Variants in PCDHGA10 observed in about 807,000 individuals in gnomAD.
The protein encoded by PCDHGA10 is protocadherin gamma subfamily A, 10, also known as protocadherin gamma-A10.
A neutral mutation model predicts 59.5 loss-of-function variants in PCDHGA10; 42 were observed. The ratio of observed to expected loss-of-function variants is 0.71; its 90% CI spans 0.55 to 0.91. The LOEUF (loss-of-function observed/expected upper bound fraction) is 0.91. PCDHGA10 is among the 40% of genes least tolerant of loss of function. PCDHGA10 has a pLI of 0.00. For missense variants in PCDHGA10, 1,111 were observed against 1,198.2 expected (o/e 0.93, Z 1.07); for synonymous variants, 511 against 517.2 (o/e 0.99, Z 0.16).
chr5:141,432,940 T>C lies in PCDHGA10; in HGVS notation c.2436+17329T>C, dbSNP rs142546730. On this transcript the variant is annotated intron_variant, in intron 1 of 3. Transcript: ENST00000398610. This position sits in a 1 kb window ranked among gnomAD's most constrained non-coding sequence, Gnocchi z 6.0. ...GGCACAAGTCACGCCTGCTGCAGGC[T>C]TCAGGAGGCGGCTTGACAGGAGCGC... 6 of 1,614,208 alleles carry C rather than the reference T, an allele frequency of 3.7e-6. No individual in the cohort carries two copies. The highest frequency in any genetic ancestry group is 4.2e-6 in the Non-Finnish European group (5 of 1,180,040).
chr5:141,503,372 G>A (rs1275544964), intron 2 of PCDHGA10, among the ~76,000 whole-genome samples: 1 of 151,968 alleles, frequency 6.6e-6, no homozygotes, highest in Non-Finnish European at 1.5e-5. Context: ...GGAGGCAGGT[G>A]GATCATGAGG....
intron 1 of PCDHGA10, chr5:141,430,861 A>C: frequency 6.3e-7 from 1 of 1,592,834 alleles, no homozygotes; most frequent in Middle Eastern, 1.7e-4. Flanking sequence ...TACGCTATTC[A>C]GTTCCGGAAG....
intron 3 of PCDHGA10, among the ~76,000 whole-genome samples, chr5:141,509,622 T>C (rs2099877603): frequency 6.6e-6 from 1 of 152,186 alleles, no homozygotes; most frequent in Non-Finnish European, 1.5e-5. Flanking sequence ...AACAAGTTCC[T>C]GGGTGATGCT....
Position 141,476,364 on chromosome 5 carries a change from C to T in PCDHGA10, c.2437-18443C>T, listed in dbSNP as rs1462808655. The T allele has an allele frequency of 6.2e-7, 1 of 1,614,036 alleles. No homozygotes were observed. The highest frequency in any genetic ancestry group is 8.5e-7 in the Non-Finnish European group (1 of 1,180,026). Reference sequence around the variant, plus strand: ...AGATTCTTTGAGGTGAACCGGGAGACCGGAGAGATGTTTGTGAACGACCGT... The same window carrying T: ...AGATTCTTTGAGGTGAACCGGGAGATCGGAGAGATGTTTGTGAACGACCGT... On this transcript the variant is annotated intron_variant, in intron 1 of 3. Coordinates refer to ENST00000398610, the MANE Select transcript of PCDHGA10 (RefSeq NM_018913.3). This position sits in a 1 kb window ranked among gnomAD's most constrained non-coding sequence, Gnocchi z 7.6.
chr5:141,498,807 C>T (rs113587634), intron 2 of PCDHGA10, among the ~76,000 whole-genome samples: 5,552 of 152,138 alleles, frequency 0.036, 136 homozygotes, highest in South Asian at 0.073. Context: ...GTGGTGCACA[C>T]CTGTAGTCCC....
chr5:141,414,801 G>A lies in PCDHGA10; in HGVS notation c.1626G>A (p.Gly542=). The A allele has an allele frequency of 1.2e-6, 2 of 1,614,218 alleles. No homozygotes were observed. Among genetic ancestry groups the A allele is most frequent in the Non-Finnish European group, 1.7e-6 (2 of 1,180,044 alleles). The change falls in exon 1 of 4, where the codon GGG becomes GGA. Residue 542 remains glycine (G), a synonymous_variant. Coordinates refer to ENST00000398610, the MANE Select transcript of PCDHGA10 (RefSeq NM_018913.3). ...LQMQVTASDS[G]DPPLSSNVSL... is the part of the protein sequence containing the mutation. ...TGCAGGTGACAGCCAGCGACAGCGG[G>A]GATCCTCCACTCAGCAGCAACGTGT...
intron 1 of PCDHGA10, chr5:141,441,038 G>A (rs1263659082): frequency 6.6e-6 from 1 of 152,156 alleles, no homozygotes; most frequent in African/African-American, 2.4e-5. Context: ...AAAACTTTAA[G>A]TACATTGGAC....
At position 141,432,627 on chromosome 5, in the gene PCDHGA10, C is replaced by A. The variant is rs886117102; in HGVS notation, c.2436+17016C>A. 1 of 1,613,652 alleles carries A rather than the reference C, an allele frequency of 6.2e-7. No homozygotes were observed. The highest frequency in any genetic ancestry group is 8.5e-7 in the Non-Finnish European group (1 of 1,179,952). On this transcript the variant is annotated intron_variant, in intron 1 of 3. Transcript: ENST00000398610. This position sits in a 1 kb window ranked among gnomAD's most constrained non-coding sequence, Gnocchi z 6.0. ...GGACTCTTCTCGGTGGGTCTGCACA[C>A]GGGCGAGGTGCGCACGGCGCGAGCC...
chr5:141,422,204 G>A lies in PCDHGA10; in HGVS notation c.2436+6593G>A, dbSNP rs185669562. On this transcript the variant is annotated intron_variant, in intron 1 of 3. Transcript: ENST00000398610. Reference sequence around the variant, plus strand: ...ATGGAAATTCAAGGCCAAGATGGTGGAGGTCTCTTTACCACCACGACGATG... The same window carrying A: ...ATGGAAATTCAAGGCCAAGATGGTGAAGGTCTCTTTACCACCACGACGATG... The A allele has an allele frequency of 1.7e-4, 269 of 1,562,138 alleles. No individual in the cohort carries two copies. The African/African-American group carries it at 3.6e-3, about 21-fold the overall frequency.
At chr5:141,466,180 A>T (rs566514149) in intron 1 of PCDHGA10, among the ~76,000 whole-genome samples, 100 of 151,254 alleles carry the variant, frequency 6.6e-4, no homozygotes, top group African/African-American at 2.1e-3. Context: ...TTTTATTTTT[A>T]TTTTTTTTCA....
chr5:141,506,434 C>A lies in PCDHGA10; in HGVS notation c.2584+953C>A, dbSNP rs139627189. Among the ~76,000 whole-genome samples the A allele has an allele frequency of 8.5e-4, 112 of 131,752 alleles. 2 individuals are homozygous for A. The highest frequency in any genetic ancestry group is 3.3e-3 in the African/African-American group (107 of 32,408). 86.4% of individuals were successfully genotyped at this position (131,752 alleles called of 152,430 possible). ...TGCACTCCAGCCTGGGCAACAGTCT[C>A]GCTCTGTCTCAAAAAAAAAAAAAAA... On this transcript the variant is annotated intron_variant, in intron 3 of 3. Transcript: ENST00000398610.
In PCDHGA10 at chr5:141,487,128, G is replaced by T. The variant is rs565927415; in HGVS notation, c.2437-7679G>T. On this transcript the variant is annotated intron_variant, in intron 1 of 3. Transcript: ENST00000398610. This position sits in a 1 kb window ranked among gnomAD's most constrained non-coding sequence, Gnocchi z 5.0. ...GTCATTGTGGTAAAGGATAGTGGTA[G>T]TCCACCACTCTCTACCTCTGTTACT... The T allele has an allele frequency of 6.3e-5, 102 of 1,614,086 alleles. No individual in the cohort carries two copies. The South Asian group carries it at 7.7e-4, about 12-fold the overall frequency.
chr5:141,467,295 C>T (rs2099141170), intron 1 of PCDHGA10, among the ~76,000 whole-genome samples: 1 of 152,114 alleles, frequency 6.6e-6, no homozygotes, highest in South Asian at 2.1e-4. Flanking sequence ...TCAAGTGATC[C>T]ACTCACCTCG....
At chr5:141,418,755 G>A (rs1489556538) in intron 1 of PCDHGA10, 8 of 1,613,898 alleles carry the variant, frequency 5.0e-6, no homozygotes, top group South Asian at 1.1e-5. Context: ...TACACTACAG[G>A]AAACATTCTA....
At chr5:141,458,921 C>T (rs1471065767) in intron 1 of PCDHGA10, among the ~76,000 whole-genome samples, 1 of 151,960 alleles carries the variant, frequency 6.6e-6, no homozygotes, top group East Asian at 1.9e-4. Flanking sequence ...TTTGTGGAGA[C>T]GGGGTCTCAC....
chr5:141,457,416 C>T (rs1378171092), intron 1 of PCDHGA10, among the ~76,000 whole-genome samples: 1 of 152,172 alleles, frequency 6.6e-6, no homozygotes, highest in Non-Finnish European at 1.5e-5. Flanking sequence ...ATTACCCATC[C>T]CTTTTTCCCC....
chr5:141,429,913 T>C (rs1013990672), intron 1 of PCDHGA10, among the ~76,000 whole-genome samples: 29 of 152,238 alleles, frequency 1.9e-4, no homozygotes, highest in African/African-American at 7.0e-4. Context: ...TGAAATATAA[T>C]GTATTAATAG....
intron 1 of PCDHGA10, among the ~76,000 whole-genome samples, chr5:141,446,167 G>A (rs1357034077): frequency 6.6e-6 from 1 of 152,188 alleles, no homozygotes; most frequent in African/African-American, 2.4e-5. Flanking sequence ...ATTTCATGAG[G>A]GCAGGGGGTG....
intron 1 of PCDHGA10, among the ~76,000 whole-genome samples, chr5:141,455,808 A>G (rs2098832210): frequency 6.6e-6 from 1 of 152,050 alleles, no homozygotes; most frequent in Non-Finnish European, 1.5e-5. Flanking sequence ...TAAAAAATGA[A>G]AACTTCCCAA....
Sources: gnomAD v4.1 joint callset for allele counts (sites outside exome capture counted in the v4.1 genomes callset) on GRCh38, gnomAD v4.1.1 for gene constraint, Gnocchi (gnomAD v3.1) non-coding constraint, MANE v1.5 for transcripts, NCBI Gene and HGNC (gene_info 2026-07-23, HGNC 2026-07-21) for gene names.